Variants in ATP8A1 observed in about 807,000 individuals in gnomAD.
The protein encoded by ATP8A1 is ATPase phospholipid transporting 8A1.
In ATP8A1, 90 loss-of-function variants were observed where a neutral mutation model predicts 177.7. The ratio of observed to expected loss-of-function variants is 0.51; its 90% CI spans 0.43 to 0.60. The LOEUF is 0.60. Ranked by LOEUF, ATP8A1 falls within the 20% of genes least tolerant of loss-of-function variation. The pLI, the probability that ATP8A1 is intolerant of heterozygous loss-of-function variation, is 0.00. For synonymous variants in ATP8A1, 493 were observed against 485.9 expected (o/e 1.01, Z -0.19); for missense variants, 1,072 against 1,392.8 (o/e 0.77, Z 3.67).
intron 31 of ATP8A1, among the ~76,000 whole-genome samples, chr4:42,445,345 T>A (rs1717093967): frequency 6.6e-6 from 1 of 152,230 alleles, no homozygotes; most frequent in African/African-American, 2.4e-5. Flanking sequence ...CACGTCTCTG[T>A]GTCTCGACTC....
At position 42,478,385 on chromosome 4, in the gene ATP8A1, G is replaced by A. The variant is rs1191745261; in HGVS notation, c.2324+7111C>T. ...CCATCTCAAAAAAAATTATTTACTG[G>A]AGTGTCATTATAAACACAAAGCTTT... On this transcript the variant is annotated intron_variant, in intron 25 of 36. Transcript: ENST00000381668. Among the ~76,000 whole-genome samples the A allele has an allele frequency of 2.0e-5, 3 of 152,144 alleles. No individual in the cohort carries two copies. The East Asian group carries it at 5.8e-4, about 29-fold the overall frequency.
At chr4:42,582,686 G>A (rs1253120693) in intron 9 of ATP8A1, among the ~76,000 whole-genome samples, 2 of 152,054 alleles carry the variant, frequency 1.3e-5, no homozygotes, top group Non-Finnish European at 2.9e-5. Context: ...TTGAAGATTG[G>A]TTTCCCAAGA....
At chr4:42,506,991 G>A (rs1442477340) in intron 23 of ATP8A1, 25 bp downstream of exon 23, 1 of 1,609,192 alleles carries the variant, frequency 6.2e-7, no homozygotes, top group South Asian at 1.1e-5. Context: ...GCACCAACAT[G>A]TAAAATGTGA....
chr4:42,654,892 A>G (rs773829599), intron 1 of ATP8A1, among the ~76,000 whole-genome samples: 7 of 152,192 alleles, frequency 4.6e-5, no homozygotes, highest in Non-Finnish European at 1.0e-4. Flanking sequence ...AGGTAGGACT[A>G]TATTTTTTAG....
chr4:42,641,587 G>T (rs1008223028), intron 1 of ATP8A1, among the ~76,000 whole-genome samples: 2 of 152,052 alleles, frequency 1.3e-5, no homozygotes, highest in African/African-American at 4.8e-5. Context: ...TTTGTACATG[G>T]AAAAGAGTAT....
chr4:42,493,061 C>T (rs1052498487), intron 24 of ATP8A1, among the ~76,000 whole-genome samples: 3 of 152,180 alleles, frequency 2.0e-5, no homozygotes, highest in African/African-American at 7.2e-5. Flanking sequence ...ATGCGAATTA[C>T]CAGAGTGTAG....
chr4:42,601,237 T>C (rs1002148679), intron 5 of ATP8A1, among the ~76,000 whole-genome samples: 4 of 151,970 alleles, frequency 2.6e-5, no homozygotes, highest in Admixed American at 6.6e-5. Flanking sequence ...CATTTCATCA[T>C]GTTGGCCAGG....
At chr4:42,569,792 CTCTT>C (rs542637237) in intron 14 of ATP8A1, among the ~76,000 whole-genome samples, 86 of 152,268 alleles carry the variant, frequency 5.6e-4, no homozygotes, top group African/African-American at 1.9e-3. Context: ...CATTAAAACA[CTCTT>C]TATTTCAAAC....
intron 6 of ATP8A1, among the ~76,000 whole-genome samples, chr4:42,597,209 T>G (rs1051492577): frequency 2.0e-5 from 3 of 152,176 alleles, no homozygotes; most frequent in African/African-American, 7.2e-5. Flanking sequence ...GTAAAGCCCA[T>G]TTACACTAAG....
Position 42,423,842 on chromosome 4 carries a change from T to C in ATP8A1, c.3124-137A>G, listed in dbSNP as rs16854355. Reference sequence around the variant, plus strand: ...GAGTATACAACTCTGAATTCGAACTTATGAAATTAACTTAGAATATCAAAA... The same window carrying C: ...GAGTATACAACTCTGAATTCGAACTCATGAAATTAACTTAGAATATCAAAA... On this transcript the variant is annotated intron_variant, in intron 33 of 36. Coordinates refer to ENST00000381668, the MANE Select transcript of ATP8A1 (RefSeq NM_006095.2). 1,582 of 492,692 alleles carry C rather than the reference T, an allele frequency of 3.2e-3. 17 individuals carry two copies. The highest frequency in any genetic ancestry group is 0.027 in the African/African-American group (1,355 of 51,012). 30.5% of individuals were successfully genotyped at this position (492,692 alleles called of 1,614,324 possible). A position where few individuals can be genotyped will look rare whatever the true frequency, so the allele number is the denominator to read the frequency against.
rs1353725892 is a variant in ATP8A1, at chr4:42,422,797, T to A, written c.3305+10A>T. 1 of 1,601,178 alleles carries A rather than the reference T, an allele frequency of 6.2e-7. No individual in the cohort carries two copies. Among genetic ancestry groups the A allele is most frequent in the East Asian group, 2.2e-5 (1 of 44,776 alleles). On this transcript the variant is annotated intron_variant, in intron 35 of 36. Transcript: ENST00000381668. ...CATTTGGAAAAGAATATATTCACTGTGTATTTTACCTTTTTCCAAGTACAA... is the reference window on the plus strand; with the variant it reads ...CATTTGGAAAAGAATATATTCACTGAGTATTTTACCTTTTTCCAAGTACAA...
At chr4:42,445,410 TTTC>T (rs1161442631) in intron 31 of ATP8A1, among the ~76,000 whole-genome samples, 2 of 152,158 alleles carry the variant, frequency 1.3e-5, no homozygotes, top group Non-Finnish European at 2.9e-5. Context: ...AGATTTTTTT[TTTC>T]TTTTCTTGAG....
rs189164525 is a variant in ATP8A1 at position 42,567,313 on chromosome 4, C to T, written c.1340+1848G>A. Among the ~76,000 whole-genome samples the T allele has an allele frequency of 6.2e-3, 945 of 152,052 alleles. 7 individuals are homozygous for T. Among genetic ancestry groups the T allele is most frequent in the Non-Finnish European group, 9.8e-3 (665 of 67,938 alleles). On this transcript the variant is annotated intron_variant, in intron 15 of 36. Transcript: ENST00000381668. ...CAGCACTTTGGGAGGCTGAGGCGGG[C>T]GGATAACCTGAGGTCAGGAGTTTAA...
intron 25 of ATP8A1, among the ~76,000 whole-genome samples, chr4:42,475,159 T>TCAGACA (rs2153186379): frequency 6.6e-6 from 1 of 152,242 alleles, no homozygotes; most frequent in Admixed American, 6.5e-5. Context: ...CAGTGTGGAT[T>TCAGACA]CAGACACAGC....
At chr4:42,656,801 C>T (rs1212362460) in intron 1 of ATP8A1, 24 bp downstream of exon 1, 10 of 1,546,714 alleles carry the variant, frequency 6.5e-6, no homozygotes, top group Non-Finnish European at 8.7e-6. Flanking sequence ...CCCGGGCTAG[C>T]CCCGAGCCTC....
At chr4:42,453,315 A>G (rs1407478292) in intron 29 of ATP8A1, among the ~76,000 whole-genome samples, 1 of 152,212 alleles carries the variant, frequency 6.6e-6, no homozygotes, top group Non-Finnish European at 1.5e-5. Flanking sequence ...TTTGTCCCTG[A>G]ATTTTCAAAC....
intron 1 of ATP8A1, among the ~76,000 whole-genome samples, chr4:42,654,039 A>C (rs1191206716): frequency 1.3e-5 from 2 of 152,162 alleles, no homozygotes; most frequent in Non-Finnish European, 2.9e-5. Context: ...TCTTGTCAGA[A>C]ATGTAGTAAC....
intron 1 of ATP8A1, among the ~76,000 whole-genome samples, chr4:42,651,125 T>C (rs553439852): frequency 6.6e-6 from 1 of 152,282 alleles, no homozygotes; most frequent in East Asian, 1.9e-4. Flanking sequence ...CTGCCATCCA[T>C]GTAAGATCTG....
At chr4:42,539,307 C>T (rs778843244) in intron 20 of ATP8A1, among the ~76,000 whole-genome samples, 4 of 151,712 alleles carry the variant, frequency 2.6e-5, no homozygotes, top group African/African-American at 4.8e-5. Flanking sequence ...TATTGGGTAT[C>T]GCGTACACTG....
Sources: gnomAD v4.1 joint callset for allele counts (sites outside exome capture counted in the v4.1 genomes callset) on GRCh38, gnomAD v4.1.1 for gene constraint, MANE v1.5 for transcripts, NCBI Gene and HGNC (gene_info 2026-07-23, HGNC 2026-07-21) for gene names.